The following PHF20 variants were observed in gnomAD, a reference collection of about 807,000 sequenced individuals.
PHF20 encodes glioma-expressed antigen 2.
In PHF20, 23 loss-of-function variants were observed where a neutral mutation model predicts 113.5. The observed-to-expected ratio is 0.20, with a 90% CI of 0.15 to 0.29. The LOEUF is 0.29. Among genes scored for constraint, PHF20 ranks in the 10% least tolerant of loss-of-function variants. PHF20 has a pLI of 1.00. For synonymous variants in PHF20, 434 were observed against 457.3 expected (o/e 0.95, Z 0.65); for missense variants, 943 against 1,219.6 (o/e 0.77, Z 3.38).
chr20:35,808,232 C>T (rs2041917837), intron 2 of PHF20, among the ~76,000 whole-genome samples: 1 of 151,950 alleles, frequency 6.6e-6, no homozygotes, highest in African/African-American at 2.4e-5. Context: ...ATTTCTTTTC[C>T]TTTCTTCCTT....
At chr20:35,822,259 C>T (rs1281232890) in intron 2 of PHF20, among the ~76,000 whole-genome samples, 1 of 151,640 alleles carries the variant, frequency 6.6e-6, no homozygotes, top group Non-Finnish European at 1.5e-5. Context: ...ACACAAAAAC[C>T]CCAAGAAACC....
At chr20:35,804,700 AT>A (rs907974547) in intron 2 of PHF20, among the ~76,000 whole-genome samples, 3 of 150,154 alleles carry the variant, frequency 2.0e-5, no homozygotes, top group African/African-American at 4.9e-5. Flanking sequence ...TTTTTATTGT[AT>A]TTTTTTTTAA....
In PHF20 at chr20:35,916,230, T is replaced by G. The variant is rs544087371; in HGVS notation, c.1826-1254T>G. Among the ~76,000 whole-genome samples the G allele has an allele frequency of 4.5e-4, 68 of 152,388 alleles. 2 individuals are homozygous for G. The South Asian group carries it at 0.014, about 32-fold the overall frequency. ...AAAGTATTTGCTTTTGCAATAATGG[T>G]GTCAGTAGACTTTCAGGGTTGCTGC... On this transcript the variant is annotated intron_variant, in intron 12 of 17. Transcript: ENST00000374012.
intron 1 of PHF20, among the ~76,000 whole-genome samples, chr20:35,793,707 T>G (rs1283627752): frequency 2.0e-5 from 3 of 151,676 alleles, no homozygotes; most frequent in Non-Finnish European, 1.5e-5. Context: ...GAAATGATCT[T>G]TATATGCTCG....
At chr20:35,941,085 C>T in intron 17 of PHF20, 38 bp downstream of exon 17, 1 of 1,556,286 alleles carries the variant, frequency 6.4e-7, no homozygotes, top group Non-Finnish European at 8.8e-7. Flanking sequence ...CATTGGCATG[C>T]AGTCGAGCAC....
chr20:35,774,928 T>C (rs550312136), intron 1 of PHF20: 2 of 152,220 alleles, frequency 1.3e-5, no homozygotes, highest in Non-Finnish European at 2.9e-5. Context: ...TAGAACTAAG[T>C]TGTGTTATTT....
chr20:35,789,830 G>A (rs1193721378), intron 1 of PHF20, among the ~76,000 whole-genome samples: 2 of 143,714 alleles, frequency 1.4e-5, no homozygotes, highest in South Asian at 4.6e-4. Context: ...GCAGGCGTGA[G>A]CCATGGCGCC....
rs139044616 is a variant in PHF20 at position 35,788,813 on chromosome 20, G to A, written c.-32-12678G>A. Among the ~76,000 whole-genome samples the A allele has an allele frequency of 3.2e-3, 493 of 152,158 alleles. 1 individual carries two copies. The highest frequency in any genetic ancestry group is 5.7e-3 in the Non-Finnish European group (388 of 67,990). ...GGGTGTTCTTGAACTGACGTCAGGC[G>A]ATCCACCCACCTTGGCCTCCCAAAG... On this transcript the variant is annotated intron_variant, in intron 1 of 17. Transcript: ENST00000374012.
intron 4 of PHF20, among the ~76,000 whole-genome samples, chr20:35,852,283 A>T (rs2042746424): frequency 1.3e-5 from 2 of 152,128 alleles, no homozygotes; most frequent in Admixed American, 1.3e-4. Flanking sequence ...GTGTTCACTG[A>T]TAGAATGCGA....
chr20:35,784,833 T>C lies in PHF20; in HGVS notation c.-33+12754T>C, dbSNP rs898349380. ...TGGGAAGCTTAGGTGGGCAGATCACTTGAGCTGAGGAGTTCGAGACTAGCC... is the reference window on the plus strand; with the variant it reads ...TGGGAAGCTTAGGTGGGCAGATCACCTGAGCTGAGGAGTTCGAGACTAGCC... On this transcript the variant is annotated intron_variant, in intron 1 of 17. Transcript: ENST00000374012. Among the ~76,000 whole-genome samples, 9 of 152,158 alleles carry C rather than the reference T, an allele frequency of 5.9e-5. 1 individual carries two copies. Among genetic ancestry groups the C allele is most frequent in the African/African-American group, 2.2e-4 (9 of 41,538 alleles).
chr20:35,826,210 AT>A (rs2042259172), intron 2 of PHF20, among the ~76,000 whole-genome samples: 1 of 151,966 alleles, frequency 6.6e-6, no homozygotes, highest in Non-Finnish European at 1.5e-5. Context: ...CACTCGACTA[AT>A]TTTTGTATTT....
intron 15 of PHF20, among the ~76,000 whole-genome samples, chr20:35,935,061 G>A (rs1220708465): frequency 2.0e-5 from 3 of 151,684 alleles, no homozygotes. Flanking sequence ...GAGTCTTTCT[G>A]TGTTGCCCAG....
chr20:35,834,359 C>T (rs1215328152), intron 2 of PHF20, among the ~76,000 whole-genome samples: 2 of 146,662 alleles, frequency 1.4e-5, no homozygotes, highest in African/African-American at 5.0e-5. Flanking sequence ...TAAAGCAATT[C>T]TCCTGCCTCA....
intron 3 of PHF20, among the ~76,000 whole-genome samples, chr20:35,843,841 G>A (rs1455273959): frequency 1.3e-5 from 2 of 152,120 alleles, no homozygotes; most frequent in Non-Finnish European, 2.9e-5. Context: ...GTCTCCCACA[G>A]TGCTAGGATT....
At chr20:35,857,357 C>T (rs555952843) in intron 4 of PHF20, among the ~76,000 whole-genome samples, 28 of 151,958 alleles carry the variant, frequency 1.8e-4, no homozygotes, top group South Asian at 4.2e-4. Context: ...TTAGCAGGGA[C>T]GGATCTTTAT....
chr20:35,938,430 T>C (rs374645263), intron 15 of PHF20, among the ~76,000 whole-genome samples: 8 of 152,160 alleles, frequency 5.3e-5, no homozygotes, highest in African/African-American at 1.7e-4. Context: ...GCTGGTTGAG[T>C]GAGTTGTCCC....
At chr20:35,909,355 T>C (rs946297202) in intron 10 of PHF20, among the ~76,000 whole-genome samples, 3 of 151,972 alleles carry the variant, frequency 2.0e-5, no homozygotes, top group African/African-American at 4.8e-5. Context: ...TTCATTGCAA[T>C]ATCCCTCCTC....
At chr20:35,854,628 G>A (rs2146957500) in intron 4 of PHF20, among the ~76,000 whole-genome samples, 1 of 152,242 alleles carries the variant, frequency 6.6e-6, no homozygotes, top group South Asian at 2.1e-4. Flanking sequence ...ATCCTTTGTA[G>A]TCCTTTGGAA....
intron 10 of PHF20, among the ~76,000 whole-genome samples, chr20:35,903,028 T>G (rs1017384663): frequency 2.7e-5 from 4 of 147,226 alleles, no homozygotes; most frequent in Non-Finnish European, 6.0e-5. Context: ...TTTCTTTTTT[T>G]TTTTTTTTGA....
Sources: allele counts gnomAD v4.1 joint callset (sites outside exome capture counted in the v4.1 genomes callset), GRCh38; gene constraint gnomAD v4.1.1; transcripts MANE v1.5; gene names NCBI Gene and HGNC (gene_info 2026-07-23, HGNC 2026-07-21).